AGO4: variants seen among roughly 807,000 people sequenced by gnomAD.
AGO4 encodes the protein argonaute RISC component 4, also known as protein argonaute-4.
In AGO4, 33 loss-of-function variants were observed where a neutral mutation model predicts 104.7. The observed-to-expected ratio is 0.32, with a 90% CI of 0.24 to 0.42. AGO4 has a LOEUF of 0.42. Ranked by LOEUF, AGO4 falls within the 10% of genes least tolerant of loss-of-function variation. The pLI, the probability that AGO4 is intolerant of heterozygous loss-of-function variation, is 1.00. For synonymous variants in AGO4, 331 were observed against 364.7 expected (o/e 0.91, Z 1.05); for missense variants, 711 against 1,083.4 (o/e 0.66, Z 4.83).
rs958849709 is a variant in AGO4 at position 35,855,423 on chromosome 1, A to T, written c.*1818A>T. On this transcript the variant is annotated 3_prime_UTR_variant, in exon 18 of 18. Transcript: ENST00000373210. ...TCTTCAGTCGTTTAAATAAACTTGT[A>T]AATACATTGAAGTTTACATTTCCAT... is the stretch of plus-strand genomic sequence containing the variant. 2.0e-5 allele frequency: 3 copies of T among 152,628 alleles called. No homozygotes were observed. The highest frequency in any genetic ancestry group is 7.2e-5 in the African/African-American group (3 of 41,442). The allele number at this position is 152,628 out of a possible 1,614,324, so 9.5% of individuals were successfully genotyped here. A position where few individuals can be genotyped will look rare whatever the true frequency, so the allele number is the denominator to read the frequency against.
chr1:35,836,020 T>C (rs1295854284), intron 13 of AGO4, 27 bp downstream of exon 13: 1 of 1,603,218 alleles, frequency 6.2e-7, no homozygotes. Context: ...TTTCCCCACT[T>C]TTGTTTAAGA....
chr1:35,818,706 GAAAC>G (rs771604878), intron 2 of AGO4, among the ~76,000 whole-genome samples: 56 of 151,650 alleles, frequency 3.7e-4, no homozygotes, highest in East Asian at 5.8e-4. Context: ...AGGAAGGAAA[GAAAC>G]AAACAGCAGA....
intron 2 of AGO4, 103 bp from the exon 3 acceptor site, chr1:35,822,759 C>A: frequency 2.1e-6 from 3 of 1,417,530 alleles, no homozygotes; most frequent in Non-Finnish European, 2.9e-6. Flanking sequence ...TTACTTTTTC[C>A]AAGTAATACT....
At chr1:35,845,083 C>T (rs1282956773) in intron 15 of AGO4, among the ~76,000 whole-genome samples, 1 of 142,814 alleles carries the variant, frequency 7.0e-6, no homozygotes, top group Non-Finnish European at 1.5e-5. Flanking sequence ...AAGTGACTTT[C>T]CAGCTTTACT....
At chr1:35,822,727 G>T (rs903016162) in intron 2 of AGO4, 135 bp from the exon 3 acceptor site, 1 of 1,079,194 alleles carries the variant, frequency 9.3e-7, no homozygotes. Flanking sequence ...TAAAGTACTC[G>T]AATCAATTGT....
chr1:35,834,145 T>G lies in AGO4; in HGVS notation c.1535T>G (p.Val512Gly). The G allele has an allele frequency of 6.2e-7, 1 of 1,602,594 alleles. No individual in the cohort carries two copies. Among genetic ancestry groups the G allele is most frequent in the Non-Finnish European group, 8.5e-7 (1 of 1,175,632 alleles). ...TATGTGGGCCTACAGCTAATAGTGG[T>G]TATCCTGCCTGGAAAGACACCAGTA... Reference protein sequence around the residue: ...MTYVGLQLIVVILPGKTPVYA... With the variant: ...MTYVGLQLIVGILPGKTPVYA... Residue 512 changes from valine (V) to glycine (G), a missense_variant, in exon 12 of 18, where the codon GTT becomes GGT. Transcript: ENST00000373210.
chr1:35,812,743 C>G (rs1477422241), intron 1 of AGO4, among the ~76,000 whole-genome samples: 1 of 152,062 alleles, frequency 6.6e-6, no homozygotes, highest in African/African-American at 2.4e-5. Context: ...AGGTGCCCAC[C>G]ACCACACCTA....
intron 2 of AGO4, among the ~76,000 whole-genome samples, chr1:35,818,525 G>A (rs1359186571): frequency 6.6e-6 from 1 of 152,130 alleles, no homozygotes; most frequent in East Asian, 1.9e-4. Context: ...TTGGGAGGCT[G>A]AGGCAGGAGA....
intron 15 of AGO4, among the ~76,000 whole-genome samples, chr1:35,844,476 A>C (rs1167606077): frequency 1.3e-5 from 2 of 152,120 alleles, no homozygotes; most frequent in Non-Finnish European, 2.9e-5. Flanking sequence ...ACTCTTCTCA[A>C]GTCCCCTACC....
chr1:35,834,244 G>C, intron 12 of AGO4, 70 bp downstream of exon 12: 2 of 1,300,950 alleles, frequency 1.5e-6, no homozygotes, highest in Non-Finnish European at 2.0e-6. Context: ...GATAAGCTAG[G>C]TTATGCTGCA....
chr1:35,832,218 C>T (rs752743850), intron 10 of AGO4, 33 bp downstream of exon 10: 13 of 1,605,028 alleles, frequency 8.1e-6, no homozygotes, highest in South Asian at 3.4e-5. Flanking sequence ...CAAGCTTCTT[C>T]CACAACCAGT....
chr1:35,838,007 T>C (rs1644354977), intron 13 of AGO4, among the ~76,000 whole-genome samples: 1 of 151,652 alleles, frequency 6.6e-6, no homozygotes. Flanking sequence ...TTTAGTCTCC[T>C]GAGTAGCTGG....
chr1:35,853,220 C>T (rs1334668256), intron 17 of AGO4, among the ~76,000 whole-genome samples: 2 of 140,300 alleles, frequency 1.4e-5, no homozygotes, highest in East Asian at 2.0e-4. Context: ...CACTGAACTC[C>T]AGCCTGGGAG....
chr1:35,842,055 TC>T (rs1296342151), intron 15 of AGO4, among the ~76,000 whole-genome samples: 9 of 152,056 alleles, frequency 5.9e-5, no homozygotes, highest in African/African-American at 2.2e-4. Flanking sequence ...TAGGCAACCT[TC>T]TAAGGGGTGC....
intron 2 of AGO4, among the ~76,000 whole-genome samples, chr1:35,820,637 A>G (rs1339427376): frequency 6.6e-6 from 1 of 152,036 alleles, no homozygotes; most frequent in Admixed American, 6.6e-5. Context: ...GATTATAAGC[A>G]TGAGCCACCC....
At chr1:35,811,844 C>T (rs1571250034) in intron 1 of AGO4, among the ~76,000 whole-genome samples, 3 of 152,190 alleles carry the variant, frequency 2.0e-5, no homozygotes, top group South Asian at 4.2e-4. Flanking sequence ...GTGATCCACC[C>T]GCCCCGGCCT....
At chr1:35,843,558 A>G (rs1384012810) in intron 15 of AGO4, among the ~76,000 whole-genome samples, 6 of 152,176 alleles carry the variant, frequency 3.9e-5, no homozygotes, top group Non-Finnish European at 8.8e-5. Context: ...TAACATACAC[A>G]TATAAGAAAT....
At chr1:35,818,076 C>A (rs930096381) in intron 2 of AGO4, among the ~76,000 whole-genome samples, 9 of 151,226 alleles carry the variant, frequency 6.0e-5, no homozygotes, top group South Asian at 2.1e-4. Flanking sequence ...GTAATAAATG[C>A]AATAAAGAAA....
At chr1:35,828,979 A>G (rs1356887884) in intron 7 of AGO4, among the ~76,000 whole-genome samples, 1 of 152,200 alleles carries the variant, frequency 6.6e-6, no homozygotes, top group Non-Finnish European at 1.5e-5. Context: ...TTAAATATAC[A>G]GTATACACTT....
Sources: allele counts gnomAD v4.1 joint callset (sites outside exome capture counted in the v4.1 genomes callset), GRCh38; gene constraint gnomAD v4.1.1; transcripts MANE v1.5; gene names NCBI Gene and HGNC (gene_info 2026-07-23, HGNC 2026-07-21).